PRIM2: variants seen among roughly 807,000 people sequenced by gnomAD.
PRIM2 encodes the protein DNA primase subunit 2, also known as DNA primase large subunit.
A neutral mutation model predicts 67.3 loss-of-function variants in PRIM2; 39 were observed. That is an observed-to-expected ratio of 0.58 (90% CI 0.45 to 0.76). PRIM2 has a LOEUF of 0.76. Ranked by LOEUF, PRIM2 falls within the 30% of genes least tolerant of loss-of-function variation. The pLI, the probability that PRIM2 is intolerant of heterozygous loss-of-function variation, is 0.00. For missense variants in PRIM2, 398 were observed against 598.7 expected (o/e 0.66, Z 3.50); for synonymous variants, 143 against 198.7 (o/e 0.72, Z 2.36).
intron 7 of PRIM2, among the ~76,000 whole-genome samples, chr6:57,427,502 A>C (rs1771670937): frequency 6.6e-6 from 1 of 152,012 alleles, no homozygotes; most frequent in Non-Finnish European, 1.5e-5. Context: ...TATTTTAGTG[A>C]GGACGGAGTT....
intron 7 of PRIM2, among the ~76,000 whole-genome samples, chr6:57,502,253 T>C (rs1774148138): frequency 6.6e-6 from 1 of 152,126 alleles, no homozygotes; most frequent in African/African-American, 2.4e-5. Flanking sequence ...CTAACTGCCA[T>C]TAGGCTAAAC....
intron 7 of PRIM2, among the ~76,000 whole-genome samples, chr6:57,463,592 A>T (rs1256292042): frequency 6.6e-6 from 1 of 152,182 alleles, no homozygotes. Context: ...CTATGATTCA[A>T]AAAACCATTT....
the PRIM2 span, among the ~76,000 whole-genome samples, chr6:57,254,017 C>T: frequency 1.3e-5 from 2 of 152,216 alleles, no homozygotes; most frequent in Non-Finnish European, 2.9e-5. Flanking sequence ...ACTACAACTT[C>T]TAAACCAAGA....
intron 7 of PRIM2, among the ~76,000 whole-genome samples, chr6:57,419,636 T>C (rs1771396776): frequency 6.6e-6 from 1 of 152,112 alleles, no homozygotes; most frequent in Admixed American, 6.5e-5. Context: ...TAATATATAT[T>C]TACCAGACTC....
intron 7 of PRIM2, among the ~76,000 whole-genome samples, chr6:57,384,160 T>C (rs571157930): frequency 6.6e-6 from 1 of 152,328 alleles, no homozygotes; most frequent in East Asian, 1.9e-4. Context: ...GATCAGGCTT[T>C]ATTTCTATAT....
At chr6:57,638,042 A>G (rs1380164940) in intron 13 of PRIM2, among the ~76,000 whole-genome samples, 18 of 152,104 alleles carry the variant, frequency 1.2e-4, no homozygotes, top group Non-Finnish European at 1.5e-5. Flanking sequence ...TCAGACTAAC[A>G]GCGGATCTCT....
intron 7 of PRIM2, among the ~76,000 whole-genome samples, chr6:57,400,609 G>A (rs1770675573): frequency 6.6e-6 from 1 of 152,180 alleles, no homozygotes. Flanking sequence ...AATCTTGCAA[G>A]AGTTCTCTGT....
chr6:57,522,031 C>T (rs1774635898), intron 8 of PRIM2, among the ~76,000 whole-genome samples: 4 of 151,334 alleles, frequency 2.6e-5, no homozygotes, highest in East Asian at 1.9e-4. Context: ...CCCAAAGCCT[C>T]GCAGATAAAC....
At chr6:57,604,587 T>G (rs1776527355) in intron 11 of PRIM2, among the ~76,000 whole-genome samples, 1 of 152,152 alleles carries the variant, frequency 6.6e-6, no homozygotes, top group Non-Finnish European at 1.5e-5. Context: ...TTCAGTATGA[T>G]GTTGGCTGTG....
intron 7 of PRIM2, among the ~76,000 whole-genome samples, chr6:57,456,601 G>A (rs188419797): frequency 2.0e-5 from 3 of 151,822 alleles, no homozygotes; most frequent in Non-Finnish European, 2.9e-5. Flanking sequence ...TTGTGCATTC[G>A]TCACGTAGTT....
At chr6:57,324,303 A>G (rs1344727587) in intron 4 of PRIM2, 23 bp downstream of exon 4, 3 of 1,453,298 alleles carry the variant, frequency 2.1e-6, no homozygotes, top group African/African-American at 1.4e-5. Flanking sequence ...TTATATTCTC[A>G]CAGTCAAATC....
intron 5 of PRIM2, among the ~76,000 whole-genome samples, chr6:57,375,341 T>G (rs1330847318): frequency 7.9e-5 from 12 of 152,242 alleles, no homozygotes; most frequent in Non-Finnish European, 1.6e-4. Flanking sequence ...GTTTTTATCT[T>G]TAGTTCTGTT....
At chr6:57,369,884 A>G (rs112930950) in intron 5 of PRIM2, among the ~76,000 whole-genome samples, 4,684 of 152,330 alleles carry the variant, frequency 0.031, 242 homozygotes, top group African/African-American at 0.11. Context: ...CCTGAAATAC[A>G]GAAACTAATC....
chr6:57,453,201 G>A (rs564901778), intron 7 of PRIM2, among the ~76,000 whole-genome samples: 1 of 152,176 alleles, frequency 6.6e-6, no homozygotes, highest in Non-Finnish European at 1.5e-5. Context: ...TTGTAGTATA[G>A]TTTGAAGTCA....
At chr6:57,562,851 C>T (rs1306180614) in intron 10 of PRIM2, among the ~76,000 whole-genome samples, 16 of 152,318 alleles carry the variant, frequency 1.1e-4, no homozygotes, top group African/African-American at 3.4e-4. Flanking sequence ...GAAAGTATAT[C>T]ATTATCCAGT....
intron 13 of PRIM2, among the ~76,000 whole-genome samples, chr6:57,636,918 T>G (rs1777132539): frequency 6.6e-6 from 1 of 152,170 alleles, no homozygotes; most frequent in African/African-American, 2.4e-5. Context: ...GTTAAGGGAC[T>G]GCCTCCTCAA....
chr6:57,269,015 T>A, the PRIM2 span, among the ~76,000 whole-genome samples: 10 of 151,954 alleles, frequency 6.6e-5, no homozygotes, highest in African/African-American at 1.9e-4. Context: ...TGCCACATTT[T>A]CTTAATCCAG....
intron 10 of PRIM2, among the ~76,000 whole-genome samples, chr6:57,572,291 G>A (rs1345950630): frequency 2.0e-5 from 3 of 152,138 alleles, no homozygotes; most frequent in African/African-American, 4.8e-5. Context: ...AGTGTTGAGC[G>A]GCAGCCAAAA....
intron 10 of PRIM2, among the ~76,000 whole-genome samples, chr6:57,595,504 C>T (rs1776349417): frequency 6.6e-6 from 1 of 152,212 alleles, no homozygotes; most frequent in African/African-American, 2.4e-5. Flanking sequence ...TCTCACAAGA[C>T]TGTGCCCTAC....
Sources: gnomAD v4.1 joint callset for allele counts (sites outside exome capture counted in the v4.1 genomes callset) on GRCh38, gnomAD v4.1.1 for gene constraint, MANE v1.5 for transcripts, NCBI Gene and HGNC (gene_info 2026-07-23, HGNC 2026-07-21) for gene names.